The following MTUS2 variants were observed in gnomAD, a reference collection of about 807,000 sequenced individuals.
The protein encoded by MTUS2 is microtubule associated scaffold protein 2.
A neutral mutation model predicts 114.1 loss-of-function variants in MTUS2; 40 were observed. The ratio of observed to expected loss-of-function variants is 0.35; its 90% CI spans 0.27 to 0.46. The LOEUF (loss-of-function observed/expected upper bound fraction) is 0.46. Ranked by LOEUF, MTUS2 falls within the 20% of genes least tolerant of loss-of-function variation. The pLI, the probability that MTUS2 is intolerant of heterozygous loss-of-function variation, is 1.00. For synonymous variants in MTUS2, 688 were observed against 672.0 expected (o/e 1.02, Z -0.37); for missense variants, 1,679 against 1,705.4 (o/e 0.98, Z 0.27).
At chr13:28,904,280 C>G (rs1281974975) in intron 2 of MTUS2, among the ~76,000 whole-genome samples, 1 of 151,390 alleles carries the variant, frequency 6.6e-6, no homozygotes, top group Non-Finnish European at 1.5e-5. Flanking sequence ...TTCCATTTGT[C>G]AATTTTGTTG....
chr13:29,365,037 G>T (rs966309784), intron 8 of MTUS2, among the ~76,000 whole-genome samples: 9 of 152,124 alleles, frequency 5.9e-5, no homozygotes, highest in Non-Finnish European at 7.4e-5. Flanking sequence ...TAAATTAATG[G>T]TTCCTATGGT....
chr13:29,354,394 G>T (rs1358048702), intron 7 of MTUS2, among the ~76,000 whole-genome samples: 1 of 151,888 alleles, frequency 6.6e-6, no homozygotes, highest in Admixed American at 6.6e-5. Flanking sequence ...GAGAAAAAAG[G>T]GATTCAGATT....
chr13:28,823,869 G>A lies in MTUS2; in HGVS notation c.-316+3258G>A, dbSNP rs1390049869. Among the ~76,000 whole-genome samples the A allele has an allele frequency of 3.3e-5, 5 of 152,250 alleles. No individual in the cohort carries two copies. The East Asian group carries it at 9.6e-4, about 29-fold the overall frequency. On this transcript the variant is annotated intron_variant, in intron 1 of 15. Coordinates refer to ENST00000612955, the MANE Select transcript of MTUS2 (RefSeq NM_001033602.4). Reference sequence around the variant, plus strand: ...AAGCAAACACGTCCTTCTTCACATGGCAGCAGGAGAGAAAAATGAGCAAAA... The same window carrying A: ...AAGCAAACACGTCCTTCTTCACATGACAGCAGGAGAGAAAAATGAGCAAAA...
intron 5 of MTUS2, among the ~76,000 whole-genome samples, chr13:29,237,338 T>G (rs1382705324): frequency 2.6e-5 from 4 of 152,278 alleles, no homozygotes; most frequent in Admixed American, 6.5e-5. Flanking sequence ...GTCTGGTTTT[T>G]TTGGGTCATT....
intron 2 of MTUS2, among the ~76,000 whole-genome samples, chr13:28,939,288 T>A (rs17648560): frequency 6.6e-6 from 1 of 152,164 alleles, no homozygotes; most frequent in Non-Finnish European, 1.5e-5. Context: ...TTACAGCCAC[T>A]GCAGAACGTT....
chr13:28,991,765 T>A (rs1461730331), intron 2 of MTUS2, among the ~76,000 whole-genome samples: 3 of 152,156 alleles, frequency 2.0e-5, no homozygotes, highest in African/African-American at 7.2e-5. Context: ...CTTCTTATCC[T>A]TTTTCCCTCC....
At chr13:29,478,191 T>A (rs1880850584) in intron 9 of MTUS2, among the ~76,000 whole-genome samples, 1 of 152,202 alleles carries the variant, frequency 6.6e-6, no homozygotes, top group Admixed American at 6.5e-5. Context: ...GTGCAACTTG[T>A]GATTCAGGGC....
At chr13:29,081,929 G>GTTT in intron 4 of MTUS2, among the ~76,000 whole-genome samples, 1 of 152,294 alleles carries the variant, frequency 6.6e-6, no homozygotes, top group South Asian at 2.1e-4. Context: ...TTTGGCCGGA[G>GTTT]TATCCAGTGT....
chr13:29,481,238 T>G (rs541539895), intron 10 of MTUS2, among the ~76,000 whole-genome samples: 3 of 152,256 alleles, frequency 2.0e-5, no homozygotes, highest in Middle Eastern at 3.4e-3. Context: ...CAGAGGATAA[T>G]TCCCAGGGAG....
chr13:29,028,469 T>C (rs1261209910), intron 3 of MTUS2, among the ~76,000 whole-genome samples: 1 of 152,004 alleles, frequency 6.6e-6, no homozygotes, highest in Non-Finnish European at 1.5e-5. Flanking sequence ...ATGTGCTCAC[T>C]GGGGGTCCGT....
intron 5 of MTUS2, among the ~76,000 whole-genome samples, chr13:29,176,599 C>T (rs1051050617): frequency 4.9e-4 from 75 of 152,324 alleles, no homozygotes; most frequent in South Asian, 8.3e-4. Context: ...CATGACACCT[C>T]TAGCCATATC....
At chr13:29,103,670 T>C (rs1199620745) in intron 5 of MTUS2, among the ~76,000 whole-genome samples, 2 of 152,138 alleles carry the variant, frequency 1.3e-5, no homozygotes, top group African/African-American at 2.4e-5. Flanking sequence ...ACGTGAGTAA[T>C]GTGTTGTGCT....
At chr13:29,460,472 G>A (rs780127741) in intron 9 of MTUS2, among the ~76,000 whole-genome samples, 1 of 152,092 alleles carries the variant, frequency 6.6e-6, no homozygotes, top group Non-Finnish European at 1.5e-5. Context: ...TGACAGGCTG[G>A]GCATTCAATG....
intron 5 of MTUS2, among the ~76,000 whole-genome samples, chr13:29,146,348 A>T (rs1892433521): frequency 6.6e-6 from 1 of 152,226 alleles, no homozygotes; most frequent in Non-Finnish European, 1.5e-5. Flanking sequence ...CTGATTTAAA[A>T]TGATGTAACT....
intron 7 of MTUS2, among the ~76,000 whole-genome samples, chr13:29,335,579 A>T (rs1040986354): frequency 6.6e-6 from 1 of 152,162 alleles, no homozygotes; most frequent in Admixed American, 6.5e-5. Flanking sequence ...GGGGGGCATC[A>T]TGGAACCTGC....
chr13:29,275,379 AG>A (rs1898025911), intron 5 of MTUS2, among the ~76,000 whole-genome samples: 1 of 152,164 alleles, frequency 6.6e-6, no homozygotes, highest in Non-Finnish European at 1.5e-5. Context: ...TAAACAATCT[AG>A]TTATACTCTT....
chr13:29,272,277 AT>A (rs1452657933), intron 5 of MTUS2, among the ~76,000 whole-genome samples: 1 of 152,246 alleles, frequency 6.6e-6, no homozygotes, highest in African/African-American at 2.4e-5. Flanking sequence ...CAGCTGGAAC[AT>A]TATACAATTT....
intron 1 of MTUS2, among the ~76,000 whole-genome samples, chr13:28,829,963 A>T (rs115881690): frequency 6.6e-6 from 1 of 152,142 alleles, no homozygotes; most frequent in Non-Finnish European, 1.5e-5. Context: ...GGAAGAGAAG[A>T]CTAAGAGTTG....
intron 8 of MTUS2, among the ~76,000 whole-genome samples, chr13:29,375,573 AC>A (rs1381026708): frequency 0.69 from 21,898 of 31,868 alleles, 7,607 homozygotes; most frequent in East Asian, 0.78. Flanking sequence ...ATATATATAT[AC>A]ATATATATAT....
Sources: allele counts gnomAD v4.1 joint callset (sites outside exome capture counted in the v4.1 genomes callset), GRCh38; gene constraint gnomAD v4.1.1; transcripts MANE v1.5; gene names NCBI Gene and HGNC (gene_info 2026-07-23, HGNC 2026-07-21).